Variants in PLEKHA7 observed in about 807,000 individuals in gnomAD.
PLEKHA7 encodes the protein pleckstrin homology domain containing A7, also known as pleckstrin homology domain-containing family A member 7.
Under a neutral mutation model 170.0 loss-of-function variants are expected in PLEKHA7, and 104 were observed. The observed-to-expected ratio is 0.61, with a 90% CI of 0.52 to 0.72. The LOEUF (loss-of-function observed/expected upper bound fraction) is 0.72. Ranked by LOEUF, PLEKHA7 falls within the 30% of genes least tolerant of loss-of-function variation. PLEKHA7 has a pLI of 0.00. For missense variants in PLEKHA7, 1,615 were observed against 1,671.7 expected (o/e 0.97, Z 0.59); for synonymous variants, 648 against 660.8 (o/e 0.98, Z 0.30).
intron 4 of PLEKHA7, among the ~76,000 whole-genome samples, chr11:16,868,471 A>G (rs1394321625): frequency 6.6e-6 from 1 of 152,164 alleles, no homozygotes; most frequent in African/African-American, 2.4e-5. Context: ...TCACACCAAT[A>G]AGAGCAGGCA....
intron 8 of PLEKHA7, among the ~76,000 whole-genome samples, chr11:16,844,185 G>A (rs1852200825): frequency 6.6e-6 from 1 of 152,128 alleles, no homozygotes; most frequent in African/African-American, 2.4e-5. Flanking sequence ...AAAAATTCAT[G>A]GAGCCAGCCT....
At chr11:16,966,854 T>C (rs1354986247) in intron 3 of PLEKHA7, among the ~76,000 whole-genome samples, 1 of 152,192 alleles carries the variant, frequency 6.6e-6, no homozygotes, top group African/African-American at 2.4e-5. Context: ...GGAGCCTGCC[T>C]GAATTCAGGC....
chr11:16,813,103 T>C lies in PLEKHA7; in HGVS notation c.2007+10A>G, dbSNP rs772772549. On this transcript the variant is annotated intron_variant, in intron 13 of 26. Transcript: ENST00000531066. ...TATGCAAGGAAGGCAGGAACCCTGA[T>C]GTCACTTACCTTTAGATCCAGGTAC... is the stretch of plus-strand genomic sequence containing the variant. 2 of 1,611,690 alleles carry C rather than the reference T, an allele frequency of 1.2e-6. No individual in the cohort carries two copies.
In PLEKHA7 at chr11:16,795,011, G is replaced by A. The variant is rs572174648; in HGVS notation, c.2417C>T (p.Ser806Leu). The change falls in exon 18 of 27, where the codon TCG becomes TTG. Residue 806 changes from serine to leucine, a missense_variant. Transcript: ENST00000531066. ...TCTCCATAGATCTTTCTGTATCTGC[G>A]ATTTCTCCTGAGGAAGACGAAGTGG... ...HRRAFFFQEK[S>L]QIQKDLWRIE... 15 of 1,611,080 alleles carry A rather than the reference G, an allele frequency of 9.3e-6. No individual in the cohort carries two copies. The highest frequency in any genetic ancestry group is 2.2e-5 in the South Asian group (2 of 91,038).
In PLEKHA7 at chr11:16,936,881, C is replaced by G. The variant is rs550347037; in HGVS notation, c.222-65699G>C. Among the ~76,000 whole-genome samples, 34 of 152,346 alleles carry G rather than the reference C, an allele frequency of 2.2e-4. 1 individual carries two copies. The South Asian group carries it at 6.0e-3, about 27-fold the overall frequency. ...GCTCTAATTGCCAAGAGATAAGAAC[C>G]CATAACTCACACAGACACTTGTAGC... On this transcript the variant is annotated intron_variant, in intron 3 of 26. Coordinates refer to ENST00000531066, the MANE Select transcript of PLEKHA7 (RefSeq NM_001329630.2).
At chr11:16,967,456 C>T (rs527999600) in intron 3 of PLEKHA7, among the ~76,000 whole-genome samples, 2 of 152,248 alleles carry the variant, frequency 1.3e-5, no homozygotes, top group South Asian at 4.1e-4. Flanking sequence ...GAGCTCTAGG[C>T]GATGCTGGTC....
intron 3 of PLEKHA7, among the ~76,000 whole-genome samples, chr11:16,968,365 C>T (rs1314292842): frequency 6.6e-6 from 1 of 152,206 alleles, no homozygotes; most frequent in Non-Finnish European, 1.5e-5. Flanking sequence ...CTCTCCAGCT[C>T]TACTCCTGCT....
intron 3 of PLEKHA7, among the ~76,000 whole-genome samples, chr11:16,985,619 T>A (rs994412570): frequency 1.3e-4 from 20 of 152,358 alleles, no homozygotes; most frequent in African/African-American, 4.8e-4. Flanking sequence ...ATCCGTTCAT[T>A]CCGCATTAAC....
At chr11:16,904,065 T>G (rs766894507) in intron 3 of PLEKHA7, among the ~76,000 whole-genome samples, 12 of 152,240 alleles carry the variant, frequency 7.9e-5, no homozygotes, top group Non-Finnish European at 1.8e-4. Context: ...CTCAAAAACC[T>G]TCAAGCTATC....
intron 3 of PLEKHA7, among the ~76,000 whole-genome samples, chr11:16,990,271 C>A (rs148224186): frequency 2.7e-5 from 1 of 37,538 alleles, no homozygotes; most frequent in East Asian, 1.0e-3. Context: ...AAGACCCTGT[C>A]TCAAAAAAAA....
intron 3 of PLEKHA7, among the ~76,000 whole-genome samples, chr11:16,987,600 A>G (rs763193511): frequency 6.6e-6 from 1 of 152,170 alleles, no homozygotes; most frequent in Non-Finnish European, 1.5e-5. Flanking sequence ...TGAGAAATGA[A>G]GGGAATGTAA....
intron 10 of PLEKHA7, among the ~76,000 whole-genome samples, chr11:16,818,104 T>C (rs1211172630): frequency 1.3e-5 from 2 of 151,786 alleles, no homozygotes; most frequent in Admixed American, 6.6e-5. Context: ...CTCACCCTAG[T>C]CCCGTCCCAG....
chr11:16,809,707 A>G (rs561032372), intron 13 of PLEKHA7, among the ~76,000 whole-genome samples: 85 of 152,306 alleles, frequency 5.6e-4, no homozygotes, highest in African/African-American at 2.0e-3. Flanking sequence ...TACCCTAGTG[A>G]CGGGAAGTCC....
At chr11:16,885,197 G>A (rs1041921759) in intron 3 of PLEKHA7, among the ~76,000 whole-genome samples, 2 of 152,028 alleles carry the variant, frequency 1.3e-5, no homozygotes, top group African/African-American at 4.8e-5. Flanking sequence ...AGGTGTGGTG[G>A]CACATGCCTG....
In PLEKHA7 at chr11:16,974,626, G is replaced by GTTT. The variant is rs397965149; in HGVS notation, c.221+39360_221+39362dup. The GTTT allele has an allele frequency of 8.1e-3, 1,211 of 149,226 alleles. 54 individuals are homozygous for GTTT. The highest frequency in any genetic ancestry group is 9.4e-3 in the South Asian group (76 of 8,084). The allele number at this position is 149,226 out of a possible 1,614,324, so 9.2% of individuals were successfully genotyped here. On this transcript the variant is annotated intron_variant, in intron 3 of 26. Transcript: ENST00000531066. ...TACAGACCTCACAGAGATTTCACAG[G>GTTT]TTTTTTTTTTTTTTTTTTTTGAACA...
At chr11:16,838,876 T>C (rs886835241) in intron 9 of PLEKHA7, among the ~76,000 whole-genome samples, 1 of 151,976 alleles carries the variant, frequency 6.6e-6, no homozygotes, top group Non-Finnish European at 1.5e-5. Context: ...TTAGTAGAGA[T>C]GGGGTTTCAC....
At chr11:16,991,353 T>C (rs903843022) in intron 3 of PLEKHA7, among the ~76,000 whole-genome samples, 4 of 152,204 alleles carry the variant, frequency 2.6e-5, no homozygotes, top group Middle Eastern at 3.2e-3. Context: ...GCTCGGTTCC[T>C]TGTCTTCATG....
At chr11:16,911,673 A>C (rs1215953575) in intron 3 of PLEKHA7, among the ~76,000 whole-genome samples, 23 of 152,064 alleles carry the variant, frequency 1.5e-4, no homozygotes, top group Admixed American at 1.5e-3. Flanking sequence ...GCAGGGTTGA[A>C]CACTCACTGC....
chr11:16,793,186 C>G (rs1471583877), intron 19 of PLEKHA7, among the ~76,000 whole-genome samples: 2 of 152,254 alleles, frequency 1.3e-5, no homozygotes, highest in African/African-American at 2.4e-5. Context: ...GTCCCGGAAT[C>G]TGGGTGTCCC....
Sources: gnomAD v4.1 joint callset for allele counts (sites outside exome capture counted in the v4.1 genomes callset) on GRCh38, gnomAD v4.1.1 for gene constraint, MANE v1.5 for transcripts, NCBI Gene and HGNC (gene_info 2026-07-23, HGNC 2026-07-21) for gene names.